ABI3BP: variants seen among roughly 807,000 people sequenced by gnomAD.
ABI3BP encodes the protein target of Nesh-SH3.
Under a neutral mutation model 268.6 loss-of-function variants are expected in ABI3BP, and 216 were observed. That is an observed-to-expected ratio of 0.80 (90% CI 0.72 to 0.90). ABI3BP has a LOEUF of 0.90. Ranked by LOEUF, ABI3BP falls within the 40% of genes least tolerant of loss-of-function variation. The probability of loss-of-function intolerance (pLI) is 0.00; values close to 1 mark genes in which losing one functional copy is unlikely to be tolerated. For synonymous variants in ABI3BP, 730 were observed against 730.0 expected (o/e 1.00, Z 0.00); for missense variants, 2,090 against 2,182.4 (o/e 0.96, Z 0.84).
At chr3:100,768,166 G>A (rs2096382238) in intron 62 of ABI3BP, among the ~76,000 whole-genome samples, 1 of 138,632 alleles carries the variant, frequency 7.2e-6, no homozygotes, top group Non-Finnish European at 1.5e-5. Flanking sequence ...TCGGCTCACT[G>A]CAAGCTCCGC....
At chr3:100,789,617 G>T in intron 55 of ABI3BP, 101 bp from the exon 56 acceptor site, 2 of 1,104,498 alleles carry the variant, frequency 1.8e-6, no homozygotes, top group Non-Finnish European at 2.6e-6. Flanking sequence ...ACTTTGCATG[G>T]ACGTATAAAG....
chr3:100,903,193 G>A (rs577511750), intron 2 of ABI3BP, among the ~76,000 whole-genome samples: 11 of 152,092 alleles, frequency 7.2e-5, no homozygotes, highest in Non-Finnish European at 1.5e-4. Flanking sequence ...TTCTCAGCCT[G>A]TTTTCATAGC....
chr3:100,993,416 G>A lies in ABI3BP; in HGVS notation c.-32C>T. 1 of 1,537,430 alleles carries A rather than the reference G, an allele frequency of 6.5e-7. No individual in the cohort carries two copies. The highest frequency in any genetic ancestry group is 8.8e-7 in the Non-Finnish European group (1 of 1,134,292). On this transcript the variant is annotated 5_prime_UTR_variant, in exon 1 of 68. Transcript: ENST00000471714. ...TTTGCCACCTCGCATGGGGAATGAT[G>A]CTGGTGGGTGCCTCGCAACCCTGGA...
intron 44 of ABI3BP, among the ~76,000 whole-genome samples, 180 bp from the exon 45 acceptor site, chr3:100,813,915 G>A (rs1245524257): frequency 2.0e-5 from 3 of 152,086 alleles, no homozygotes; most frequent in Admixed American, 2.0e-4. Flanking sequence ...TCCAAGTCTA[G>A]CCAGTGGGCC....
intron 61 of ABI3BP, among the ~76,000 whole-genome samples, chr3:100,771,229 T>G (rs1348863629): frequency 1.3e-5 from 2 of 152,198 alleles, no homozygotes; most frequent in African/African-American, 4.8e-5. Context: ...TCATACTTTA[T>G]GGGGCACTGG....
At chr3:100,808,314 G>A (rs1462933878) in intron 49 of ABI3BP, 79 bp from the exon 50 acceptor site, 1 of 1,043,942 alleles carries the variant, frequency 9.6e-7, no homozygotes, top group Non-Finnish European at 1.4e-6. Flanking sequence ...GCTCAGGGAT[G>A]TTTACTGAGT....
intron 62 of ABI3BP, 76 bp from the exon 63 acceptor site, chr3:100,766,025 T>TA: frequency 9.3e-7 from 1 of 1,080,330 alleles, no homozygotes. Context: ...GCTAATAGCA[T>TA]AAAAAAGCCA....
chr3:100,914,444 G>A (rs543686929), intron 2 of ABI3BP: 66 of 455,422 alleles, frequency 1.4e-4, no homozygotes, highest in Non-Finnish European at 2.4e-4. Context: ...GCAGCCAGCC[G>A]TACCACAGAA....
chr3:100,889,733 T>A (rs139870265), intron 4 of ABI3BP, among the ~76,000 whole-genome samples: 2 of 152,314 alleles, frequency 1.3e-5, no homozygotes, highest in Non-Finnish European at 2.9e-5. Flanking sequence ...TTGGTTCAAC[T>A]GGCATTATTC....
chr3:100,863,034 G>T, intron 12 of ABI3BP, 125 bp from the exon 13 acceptor site: 1 of 647,264 alleles, frequency 1.5e-6, no homozygotes, highest in Non-Finnish European at 2.6e-6. Context: ...GAGACCATTA[G>T]TAGTATTTCT....
chr3:100,779,631 C>A (rs557893002), intron 58 of ABI3BP, among the ~76,000 whole-genome samples: 289 of 151,770 alleles, frequency 1.9e-3, no homozygotes, highest in Non-Finnish European at 2.3e-3. Flanking sequence ...CTCTCTCTCT[C>A]TATGTGTTCA....
At chr3:100,901,688 C>A (rs1282078937) in intron 3 of ABI3BP, among the ~76,000 whole-genome samples, 1 of 151,820 alleles carries the variant, frequency 6.6e-6, no homozygotes, top group African/African-American at 2.4e-5. Context: ...ATGGCGTGAA[C>A]CTGGGAGGCG....
At chr3:100,774,543 G>T in intron 61 of ABI3BP, 62 bp downstream of exon 61, 1 of 1,315,256 alleles carries the variant, frequency 7.6e-7, no homozygotes, top group Non-Finnish European at 1.0e-6. Flanking sequence ...AGCAATAACT[G>T]GCTGATACAC....
At chr3:100,823,581 A>C (rs2098288655) in intron 36 of ABI3BP, 67 bp from the exon 37 acceptor site, 1 of 1,265,528 alleles carries the variant, frequency 7.9e-7, no homozygotes, top group Non-Finnish European at 1.1e-6. Flanking sequence ...ACTCACATGC[A>C]AACAAATTTT....
At chr3:100,824,507 G>A (rs1319575523) in intron 36 of ABI3BP, among the ~76,000 whole-genome samples, 2 of 152,168 alleles carry the variant, frequency 1.3e-5, no homozygotes, top group Non-Finnish European at 2.9e-5. Flanking sequence ...GCATGGGAAC[G>A]GGAATATGCA....
intron 1 of ABI3BP, among the ~76,000 whole-genome samples, chr3:100,941,834 A>C (rs376186505): frequency 6.6e-6 from 1 of 152,148 alleles, no homozygotes; most frequent in African/African-American, 2.4e-5. Context: ...TCAAGAAGAC[A>C]CCTCATTCTG....
intron 64 of ABI3BP, among the ~76,000 whole-genome samples, chr3:100,754,273 G>A (rs980430676): frequency 4.6e-5 from 7 of 152,168 alleles, no homozygotes; most frequent in African/African-American, 1.7e-4. Flanking sequence ...GGTCTAATTG[G>A]GAAGTTTGAC....
In ABI3BP at chr3:100,874,861, T is replaced by TC; in HGVS notation, c.889dup (p.Asp297GlyfsTer9). On this transcript the variant is annotated frameshift_variant, in exon 9 of 68. Transcript: ENST00000471714. LOFTEE classifies it high-confidence loss of function. ...CTTACCTAATTGTGTCTTGAGTGCATCTGAAATCTCAAACATTAGGGATGC... is the reference window on the plus strand; with the variant it reads ...CTTACCTAATTGTGTCTTGAGTGCATCCTGAAATCTCAAACATTAGGGATGC... 6.3e-7 allele frequency: 1 copy of TC among 1,596,362 alleles called. No homozygotes were observed. The highest frequency in any genetic ancestry group is 8.5e-7 in the Non-Finnish European group (1 of 1,169,764).
rs549180818 is a variant in ABI3BP, at chr3:100,854,767, A to G, written c.1286-2827T>C. On this transcript the variant is annotated intron_variant, in intron 14 of 67. Coordinates refer to ENST00000471714, the MANE Select transcript of ABI3BP (RefSeq NM_001375547.2). ...TGCAACAAATAAAATAGATAATTCA[A>G]TTTACAGGTTATAAAAGTCAACATT... 2.6e-5 allele frequency among the ~76,000 whole-genome samples: 4 copies of G among 152,340 alleles called. No homozygotes were observed. In the South Asian group the frequency reaches 8.3e-4, roughly 32 times the overall value.
Sources: allele counts gnomAD v4.1 joint callset (sites outside exome capture counted in the v4.1 genomes callset), GRCh38; gene constraint gnomAD v4.1.1; transcripts MANE v1.5; gene names NCBI Gene and HGNC (gene_info 2026-07-23, HGNC 2026-07-21).